Variants in TMX4 observed in about 807,000 individuals in gnomAD.
The protein encoded by TMX4 is thioredoxin-related transmembrane protein 4.
A neutral mutation model predicts 33.3 loss-of-function variants in TMX4; 23 were observed. The observed-to-expected ratio is 0.69, with a 90% CI of 0.50 to 0.98. The LOEUF is 0.98. TMX4 is among the 50% of genes least tolerant of loss of function. The pLI is 0.00. For missense variants in TMX4, 399 were observed against 448.9 expected, an observed-to-expected ratio of 0.89 and a Z score of 1.01; for synonymous variants, 164 against 161.5, an observed-to-expected ratio of 1.02 and a Z score of -0.12.
At chr20:8,017,478 A>G (rs966777093) in intron 1 of TMX4, among the ~76,000 whole-genome samples, 1 of 152,222 alleles carries the variant, frequency 6.6e-6, no homozygotes, top group Non-Finnish European at 1.5e-5. Context: ...TGAACCATCA[A>G]CATGGCCAAG....
intron 6 of TMX4, among the ~76,000 whole-genome samples, chr20:7,984,194 G>A (rs573352958): frequency 4.9e-4 from 74 of 152,296 alleles, no homozygotes; most frequent in Non-Finnish European, 7.9e-4. Flanking sequence ...TCTGTATATA[G>A]GCTGCCCCTC....
chr20:8,017,993 T>C (rs1323045768), intron 1 of TMX4, among the ~76,000 whole-genome samples: 1 of 152,022 alleles, frequency 6.6e-6, no homozygotes, highest in African/African-American at 2.4e-5. Flanking sequence ...AATGCACATT[T>C]GAAGGGGTGA....
intron 2 of TMX4, among the ~76,000 whole-genome samples, chr20:8,003,951 T>C (rs2050717231): frequency 6.6e-6 from 1 of 152,072 alleles, no homozygotes. Flanking sequence ...AACAATGAGG[T>C]TGCAGCACCC....
At chr20:8,018,423 A>G (rs1472775137) in intron 1 of TMX4, among the ~76,000 whole-genome samples, 2 of 33,060 alleles carry the variant, frequency 6.0e-5, no homozygotes, top group South Asian at 4.8e-3. Context: ...AGAGAGAGAG[A>G]AGAGAGAGAG....
At chr20:8,004,109 A>G (rs1276385197) in intron 2 of TMX4, among the ~76,000 whole-genome samples, 4 of 151,766 alleles carry the variant, frequency 2.6e-5, no homozygotes, top group Non-Finnish European at 2.9e-5. Context: ...ATCCAACACC[A>G]TAAGAAATTC....
At chr20:7,991,453 TACC>T (rs2050654439) in intron 5 of TMX4, among the ~76,000 whole-genome samples, 1 of 152,212 alleles carries the variant, frequency 6.6e-6, no homozygotes, top group African/African-American at 2.4e-5. Flanking sequence ...GCATTACACT[TACC>T]AGGTGAACAT....
At chr20:7,999,073 G>A (rs1244225540) in intron 4 of TMX4, among the ~76,000 whole-genome samples, 3 of 152,118 alleles carry the variant, frequency 2.0e-5, no homozygotes, top group Admixed American at 6.5e-5. Flanking sequence ...TAATATAGAT[G>A]CCACTAGATG....
chr20:7,987,905 C>T (rs553994461), intron 5 of TMX4, among the ~76,000 whole-genome samples: 2 of 152,232 alleles, frequency 1.3e-5, no homozygotes, highest in Admixed American at 1.3e-4. Context: ...TAAAATGTAA[C>T]AGTAGACAGA....
At chr20:7,987,469 T>C (rs551935608) in intron 5 of TMX4, 80 bp from the exon 6 acceptor site, 25 of 983,108 alleles carry the variant, frequency 2.5e-5, no homozygotes, top group Non-Finnish European at 3.1e-5. Flanking sequence ...TAGCTGTTGT[T>C]TCTACATACA....
At chr20:7,999,650 T>C (rs552059538) in intron 4 of TMX4, 82 bp downstream of exon 4, 68 of 1,466,524 alleles carry the variant, frequency 4.6e-5, no homozygotes, top group South Asian at 4.6e-4. Context: ...AAGTAAAACA[T>C]AGGCTTTTTT....
At chr20:7,992,526 GCCTCATAAGACTAT>G (rs1177562305) in intron 5 of TMX4, among the ~76,000 whole-genome samples, 1 of 152,174 alleles carries the variant, frequency 6.6e-6, no homozygotes, top group Non-Finnish European at 1.5e-5. Context: ...GACAGGAACT[GCCTCATAAGACTAT>G]TCAAGGGACT....
chr20:8,018,523 A>T (rs1165392115), intron 1 of TMX4, among the ~76,000 whole-genome samples: 3,011 of 108,262 alleles, frequency 0.028, 620 homozygotes, highest in Non-Finnish European at 0.037. Flanking sequence ...AGAGAGAGAG[A>T]GAGAGTCTGC....
rs185017875 is a variant in TMX4 at position 8,014,340 on chromosome 20, A to G, written c.177-4025T>C. ...CAGTGAACAAATGGGAGATGATAGT[A>G]ATTATCCTTAAGACTTCAGAAAATA... is the stretch of plus-strand genomic sequence containing the variant. On this transcript the variant is annotated intron_variant, in intron 1 of 7. Coordinates refer to ENST00000246024, the MANE Select transcript of TMX4 (RefSeq NM_021156.4). Among the ~76,000 whole-genome samples, 175 of 152,332 alleles carry G rather than the reference A, an allele frequency of 1.1e-3. 3 individuals carry two copies. Among genetic ancestry groups the G allele is most frequent in the African/African-American group, 4.0e-3 (167 of 41,584 alleles).
chr20:7,987,607 T>C (rs10485718), intron 5 of TMX4, among the ~76,000 whole-genome samples: 2,079 of 152,230 alleles, frequency 0.014, 54 homozygotes, highest in East Asian at 0.065. Context: ...TTAGAGTTCA[T>C]AATCTGGATA....
chr20:7,993,227 T>G (rs2050662525), intron 5 of TMX4, among the ~76,000 whole-genome samples: 2 of 152,260 alleles, frequency 1.3e-5, no homozygotes, highest in Non-Finnish European at 2.9e-5. Context: ...TATAATCTTC[T>G]TTCTCTGAGA....
rs1271837561 is a variant in TMX4 at position 7,980,705 on chromosome 20, C to G, written c.*1546G>C. On this transcript the variant is annotated 3_prime_UTR_variant, in exon 8 of 8. Transcript: ENST00000246024. ...CTGAATTGGAAAGATGAAAAAGAAC[C>G]ATCTCTAAAAGTTGATGCTGTCAGA... 4 of 152,154 alleles carry G rather than the reference C, an allele frequency of 2.6e-5. No individual in the cohort carries two copies. Among genetic ancestry groups the G allele is most frequent in the Non-Finnish European group, 4.4e-5 (3 of 68,028 alleles). The allele number at this position is 152,154 out of a possible 1,614,324, so 9.4% of individuals were successfully genotyped here.
Position 8,016,765 on chromosome 20 carries a change from CTCAT to C in TMX4, c.176+2669_176+2672del, listed in dbSNP as rs548872615. 1.4e-4 allele frequency among the ~76,000 whole-genome samples: 21 copies of C among 152,270 alleles called. No homozygotes were observed. The South Asian group carries it at 4.1e-3, about 30-fold the overall frequency. ...TAAGCAAATGAACAAATAAAGAACT[CTCAT>C]TCAAAGTAATGAATACATTTTGATA... On this transcript the variant is annotated intron_variant, in intron 1 of 7. Transcript: ENST00000246024.
rs201081043 is a variant in TMX4, at chr20:7,982,400, G to A, written c.901C>T (p.Pro301Ser). Reference protein sequence around the residue: ...EERSEANDQGPPGEDGVTREE... With the variant: ...EERSEANDQGSPGEDGVTREE... ...CGGGTCACACCGTCCTCTCCTGGGG[G>A]CCCCTGATCATTGGCCTCACTTCTC... Residue 301 changes from proline (P) to serine (S), a missense_variant, in exon 8 of 8, where the codon CCC becomes TCC. By Grantham distance (74) the Pro-to-Ser change is moderately conservative. Coordinates refer to ENST00000246024, the MANE Select transcript of TMX4 (RefSeq NM_021156.4). The A allele has an allele frequency of 1.9e-6, 3 of 1,614,010 alleles. No homozygotes were observed. Among genetic ancestry groups the A allele is most frequent in the African/African-American group, 1.3e-5 (1 of 74,970 alleles).
Position 8,018,517 on chromosome 20 carries a change from AGAGAGAGAGAG to A in TMX4, c.176+910_176+920del, listed in dbSNP as rs1568541324. Among the ~76,000 whole-genome samples the A allele has an allele frequency of 6.7e-4, 29 of 43,432 alleles. 3 individuals carry two copies. The highest frequency in any genetic ancestry group is 3.0e-3 in the African/African-American group (8 of 2,628). 28.5% of individuals were successfully genotyped at this position (43,432 alleles called of 152,430 possible). A position where few individuals can be genotyped will look rare whatever the true frequency, so the allele number is the denominator to read the frequency against. ...GAGAGAGAGAGAGAGAGAGAGAGAGAGAGAGAGAGAGTCTGCAAGCCCACCATGATGGTCTC... is the reference window on the plus strand; with the variant it reads ...GAGAGAGAGAGAGAGAGAGAGAGAGATCTGCAAGCCCACCATGATGGTCTC... On this transcript the variant is annotated intron_variant, in intron 1 of 7. Transcript: ENST00000246024.
Sources: allele counts gnomAD v4.1 joint callset (sites outside exome capture counted in the v4.1 genomes callset), GRCh38; gene constraint gnomAD v4.1.1; transcripts MANE v1.5; gene names NCBI Gene and HGNC (gene_info 2026-07-23, HGNC 2026-07-21).